UPP2: variants seen among roughly 807,000 people sequenced by gnomAD.
UPP2 encodes uridine phosphorylase 2, also known as UPase 2.
UPP2 carries 23 observed loss-of-function variants against 26.7 expected under a neutral mutation model. The ratio of observed to expected loss-of-function variants is 0.86; its 90% confidence interval spans 0.62 to 1.22. UPP2 has a LOEUF of 1.22. Ranked by LOEUF, UPP2 falls within the 50% of genes most tolerant of loss-of-function variation. UPP2 has a pLI of 0.00. For synonymous variants in UPP2, 127 were observed against 141.3 expected, an observed-to-expected ratio of 0.90 and a Z score of 0.72; for missense variants, 387 against 396.7, an observed-to-expected ratio of 0.98 and a Z score of 0.21.
At chr2:158,088,247 G>A (rs945773985) in intron 3 of UPP2, among the ~76,000 whole-genome samples, 52 of 152,134 alleles carry the variant, frequency 3.4e-4, no homozygotes, top group African/African-American at 1.2e-3. Context: ...GAGCTCTGAA[G>A]TTCTTTATTC....
Position 158,135,323 on chromosome 2 carries a change from T to C in UPP2, c.*433T>C, listed in dbSNP as rs376997931. On this transcript the variant is annotated 3_prime_UTR_variant, in exon 7 of 7. Transcript: ENST00000005756. ...AAACTGATCATCCATATTCAAAATA[T>C]TTACAGAAAAAAGTGTCAGTGAAAT... The C allele has an allele frequency of 6.5e-6, 1 of 153,260 alleles. No homozygotes were observed. The highest frequency in any genetic ancestry group is 1.9e-4 in the East Asian group (1 of 5,208). The allele number at this position is 153,260 out of a possible 1,614,324, so 9.5% of individuals were successfully genotyped here.
intron 6 of UPP2, among the ~76,000 whole-genome samples, chr2:158,125,966 A>G (rs776154689): frequency 2.6e-5 from 4 of 152,230 alleles, no homozygotes; most frequent in Non-Finnish European, 5.9e-5. Flanking sequence ...TAACCACTTT[A>G]TTAATAGTTA....
At chr2:158,075,574 T>C (rs1682618404) in intron 3 of UPP2, among the ~76,000 whole-genome samples, 1 of 152,016 alleles carries the variant, frequency 6.6e-6, no homozygotes, top group South Asian at 2.1e-4. Flanking sequence ...TTAAACAATA[T>C]GCTCCTGAAT....
chr2:158,055,551 G>A (rs1462862297), intron 3 of UPP2, among the ~76,000 whole-genome samples: 1 of 152,046 alleles, frequency 6.6e-6, no homozygotes, highest in African/African-American at 2.4e-5. Flanking sequence ...TGTCTTTCTT[G>A]ACACTCCTAA....
intron 3 of UPP2, among the ~76,000 whole-genome samples, chr2:158,059,799 A>G (rs1049030882): frequency 2.6e-5 from 4 of 152,038 alleles, no homozygotes; most frequent in South Asian, 2.1e-4. Context: ...CCTTTGTCTC[A>G]TACCCTAGCT....
Position 158,116,829 on chromosome 2 carries a change from A to T in UPP2, c.340-995A>T, listed in dbSNP as rs138702063. Among the ~76,000 whole-genome samples, 119 of 152,332 alleles carry T rather than the reference A, an allele frequency of 7.8e-4. 2 individuals carry two copies. The highest frequency in any genetic ancestry group is 2.6e-3 in the African/African-American group (108 of 41,576). On this transcript the variant is annotated intron_variant, in intron 3 of 6. Coordinates refer to ENST00000005756, the MANE Select transcript of UPP2 (RefSeq NM_173355.4). ...GTTAATCTTGGATATACAAATCAAT[A>T]CAAGTTCGATGCCTGGCTCCAGGAT... is the stretch of plus-strand genomic sequence containing the variant.
intron 3 of UPP2, among the ~76,000 whole-genome samples, chr2:158,061,397 A>G (rs1284745629): frequency 6.6e-6 from 1 of 152,218 alleles, no homozygotes; most frequent in Non-Finnish European, 1.5e-5. Context: ...ATTAGCCCAA[A>G]TTAGTGCTCC....
At chr2:158,040,989 C>T (rs2105163680) in intron 3 of UPP2, among the ~76,000 whole-genome samples, 1 of 152,238 alleles carries the variant, frequency 6.6e-6, no homozygotes, top group Non-Finnish European at 1.5e-5. Flanking sequence ...CTTTGTAATA[C>T]TGTTCAAATC....
intron 3 of UPP2, among the ~76,000 whole-genome samples, chr2:158,072,055 G>A (rs966399957): frequency 1.3e-5 from 2 of 152,142 alleles, no homozygotes; most frequent in Admixed American, 1.3e-4. Flanking sequence ...CTTGGTTCTT[G>A]GACAGCTTTT....
chr2:158,011,552 C>G (rs1683579648), intron 2 of UPP2, among the ~76,000 whole-genome samples: 1 of 151,928 alleles, frequency 6.6e-6, no homozygotes. Flanking sequence ...TTGCAATGGT[C>G]AAGGGAGCTA....
At chr2:158,029,812 T>TA (rs1338014517) in intron 3 of UPP2, among the ~76,000 whole-genome samples, 7 of 148,496 alleles carry the variant, frequency 4.7e-5, no homozygotes, top group Admixed American at 4.0e-4. Context: ...TTTTTTTTTT[T>TA]AAAACACTAT....
intron 6 of UPP2, among the ~76,000 whole-genome samples, chr2:158,124,758 GC>G (rs1415971673): frequency 6.6e-6 from 1 of 152,162 alleles, no homozygotes; most frequent in East Asian, 1.9e-4. Flanking sequence ...GGTGAGAAAG[GC>G]AGGAGTTAAA....
At position 158,134,955 on chromosome 2, in the gene UPP2, C is replaced by A; in HGVS notation, c.*65C>A. ...GTAGCTCAAGTTGTAATGTGAAAGT[C>A]ATATTTTATTTGTGGCATTTTTATA... On this transcript the variant is annotated 3_prime_UTR_variant, in exon 7 of 7. Transcript: ENST00000005756. 1.3e-6 allele frequency: 2 copies of A among 1,497,850 alleles called. No individual in the cohort carries two copies. Among genetic ancestry groups the A allele is most frequent in the South Asian group, 2.8e-5 (2 of 72,412 alleles). 92.8% of individuals were successfully genotyped at this position (1,497,850 alleles called of 1,614,324 possible). A position where few individuals can be genotyped will look rare whatever the true frequency, so the allele number is the denominator to read the frequency against.
chr2:158,121,875 C>A (rs1683576053), intron 5 of UPP2, among the ~76,000 whole-genome samples: 1 of 152,032 alleles, frequency 6.6e-6, no homozygotes, highest in South Asian at 2.1e-4. Context: ...GTGATGTTCA[C>A]AGAATCTTAT....
At chr2:158,083,838 GT>G (rs1026935564) in intron 3 of UPP2, among the ~76,000 whole-genome samples, 1 of 143,476 alleles carries the variant, frequency 7.0e-6, no homozygotes, top group African/African-American at 2.7e-5. Flanking sequence ...ATAGACATAT[GT>G]TTATGTCTGT....
In UPP2 at chr2:158,117,945, C is replaced by G; in HGVS notation, c.454+7C>G. On this transcript the variant is annotated splice_region_variant and intron_variant, in intron 4 of 6. Coordinates refer to ENST00000005756, the MANE Select transcript of UPP2 (RefSeq NM_173355.4). ...GGTACATCAGGGGGAATAGGTGAGA[C>G]GGATTGATGTCTACTATTAGAACTG... is the stretch of plus-strand genomic sequence containing the variant. 1.3e-6 allele frequency: 2 copies of G among 1,590,578 alleles called. 1 individual carries two copies. The highest frequency in any genetic ancestry group is 2.2e-5 in the South Asian group (2 of 90,714).
chr2:158,025,786 C>T (rs184753695), intron 3 of UPP2, among the ~76,000 whole-genome samples: 2 of 152,316 alleles, frequency 1.3e-5, no homozygotes, highest in South Asian at 2.1e-4. Flanking sequence ...CTGGCCAGAG[C>T]CTCACACGGA....
intron 3 of UPP2, among the ~76,000 whole-genome samples, chr2:158,038,502 T>G (rs1193680909): frequency 6.6e-6 from 1 of 152,270 alleles, no homozygotes; most frequent in African/African-American, 2.4e-5. Flanking sequence ...TGGAATGATA[T>G]ATATTTTGTA....
chr2:158,069,699 C>A (rs1051251468), intron 3 of UPP2, among the ~76,000 whole-genome samples: 1 of 152,220 alleles, frequency 6.6e-6, no homozygotes, highest in African/African-American at 2.4e-5. Flanking sequence ...TGGCATGGCA[C>A]CTCAGTGATC....
Sources: allele counts gnomAD v4.1 joint callset (sites outside exome capture counted in the v4.1 genomes callset), GRCh38; gene constraint gnomAD v4.1.1; transcripts MANE v1.5; gene names NCBI Gene and HGNC (gene_info 2026-07-23, HGNC 2026-07-21).